The following ATAD2B variants were observed in gnomAD, a reference collection of about 807,000 sequenced individuals.
ATAD2B encodes ATPase family AAA domain containing 2B.
Under a neutral mutation model 167.6 loss-of-function variants are expected in ATAD2B, and 40 were observed. The observed-to-expected ratio is 0.24, with a 90% CI of 0.19 to 0.31. ATAD2B has a LOEUF of 0.31. ATAD2B is among the 10% of genes least tolerant of loss of function. The probability of loss-of-function intolerance (pLI) is 1.00; values close to 1 mark genes in which losing one functional copy is unlikely to be tolerated. For synonymous variants in ATAD2B, 579 were observed against 596.5 expected, an observed-to-expected ratio of 0.97 and a Z score of 0.43; for missense variants, 1,242 against 1,757.2, an observed-to-expected ratio of 0.71 and a Z score of 5.24.
chr2:23,707,104 T>A, the ATAD2B span: 1 of 117,224 alleles, frequency 8.5e-6, no homozygotes, highest in Non-Finnish European at 1.9e-5. Flanking sequence ...TTCCTACTTT[T>A]GTTTTTTAAC....
At chr2:23,803,306 A>T (rs1048795346) in intron 18 of ATAD2B, among the ~76,000 whole-genome samples, 2 of 146,760 alleles carry the variant, frequency 1.4e-5, no homozygotes, top group Non-Finnish European at 3.0e-5. Context: ...TCAGTAACAT[A>T]TGTGTGTACA....
chr2:23,884,485 G>A (rs1316647413), intron 6 of ATAD2B, among the ~76,000 whole-genome samples: 1 of 152,076 alleles, frequency 6.6e-6, no homozygotes, highest in East Asian at 1.9e-4. Flanking sequence ...AGAAGCAAAT[G>A]AGCCCAAAGT....
intron 23 of ATAD2B, among the ~76,000 whole-genome samples, 158 bp from the exon 24 acceptor site, chr2:23,762,504 A>C (rs1033896733): frequency 6.6e-6 from 1 of 152,178 alleles, no homozygotes; most frequent in Non-Finnish European, 1.5e-5. Flanking sequence ...TTGTTTTAAG[A>C]TGGGTAAGAA....
At chr2:23,868,828 C>T (rs749916692) in intron 9 of ATAD2B, among the ~76,000 whole-genome samples, 36 of 152,124 alleles carry the variant, frequency 2.4e-4, no homozygotes, top group African/African-American at 7.2e-5. Context: ...CTTGGGTAAA[C>T]ACCAATGACA....
At chr2:23,743,471 G>A in the ATAD2B span, among the ~76,000 whole-genome samples, 1 of 151,368 alleles carries the variant, frequency 6.6e-6, no homozygotes, top group Non-Finnish European at 1.5e-5. Flanking sequence ...ACTGAGGCAG[G>A]AGAATCGCTC....
chr2:23,767,302 G>A (rs921714283), intron 22 of ATAD2B, among the ~76,000 whole-genome samples: 7 of 152,074 alleles, frequency 4.6e-5, no homozygotes, highest in African/African-American at 1.7e-4. Flanking sequence ...TTTAGCCTGT[G>A]TGGTCTAACC....
At chr2:23,844,955 GA>G (rs34425877) in intron 13 of ATAD2B, among the ~76,000 whole-genome samples, 110,587 of 150,366 alleles carry the variant, frequency 0.74, 40,865 homozygotes, top group East Asian at 0.85. Context: ...AGTCAAGAAG[GA>G]AAAAAAAACC....
the ATAD2B span, among the ~76,000 whole-genome samples, chr2:23,715,501 G>A: frequency 0.029 from 4,405 of 152,130 alleles, 89 homozygotes; most frequent in South Asian, 0.086. Context: ...GTGAACCTGG[G>A]AGGCGGAGCT....
intron 27 of ATAD2B, among the ~76,000 whole-genome samples, chr2:23,753,391 T>C (rs1450415506): frequency 6.6e-6 from 1 of 152,106 alleles, no homozygotes; most frequent in African/African-American, 2.4e-5. Context: ...GCACTGCAGG[T>C]ACTCAATAAA....
intron 5 of ATAD2B, among the ~76,000 whole-genome samples, chr2:23,885,522 T>C (rs1698539515): frequency 6.6e-6 from 1 of 152,152 alleles, no homozygotes; most frequent in Non-Finnish European, 1.5e-5. Flanking sequence ...CCAGCAAAAG[T>C]GAAGAGGGTC....
At chr2:23,845,570 A>ATT (rs71402518) in intron 13 of ATAD2B, among the ~76,000 whole-genome samples, 7,723 of 87,694 alleles carry the variant, frequency 0.088, 1,120 homozygotes, top group African/African-American at 0.14. Context: ...GCATGCTGGA[A>ATT]TTTTTTTTTT....
At chr2:23,704,817 A>G in the ATAD2B span, among the ~76,000 whole-genome samples, 17 of 152,314 alleles carry the variant, frequency 1.1e-4, no homozygotes, top group Admixed American at 1.3e-4. Context: ...CCCATAGCAG[A>G]TGCTTCCTGA....
At chr2:23,783,425 A>G (rs894870926) in intron 21 of ATAD2B, among the ~76,000 whole-genome samples, 8 of 152,074 alleles carry the variant, frequency 5.3e-5, no homozygotes, top group African/African-American at 1.7e-4. Context: ...ACTATGAGAT[A>G]AGTTATTCTG....
chr2:23,884,146 A>G (rs1311289180), intron 6 of ATAD2B, among the ~76,000 whole-genome samples: 1 of 151,334 alleles, frequency 6.6e-6, no homozygotes. Context: ...CTCTGTCTCA[A>G]AAAAAAAAGA....
intron 2 of ATAD2B, among the ~76,000 whole-genome samples, chr2:23,892,717 C>A (rs1699712622): frequency 6.7e-6 from 1 of 150,246 alleles, no homozygotes; most frequent in African/African-American, 2.5e-5. Context: ...TGATCCACCA[C>A]CCTTGGCCTC....
At chr2:23,764,078 A>G (rs1464840772) in intron 23 of ATAD2B, among the ~76,000 whole-genome samples, 3 of 152,210 alleles carry the variant, frequency 2.0e-5, no homozygotes, top group Non-Finnish European at 4.4e-5. Context: ...ACAAATGTTT[A>G]TGTGGACATA....
chr2:23,750,938 T>G lies in ATAD2B; in HGVS notation c.*1108A>C, dbSNP rs980702506. On this transcript the variant is annotated 3_prime_UTR_variant, in exon 28 of 28. Coordinates refer to ENST00000238789, the MANE Select transcript of ATAD2B (RefSeq NM_017552.4). The stretch of plus-strand genomic sequence containing the variant: ...TGTTATTCAAGGACCATACCAGAGC[T>G]CGTTTGCAATTAAGCATACAGAAAA... 3.3e-5 allele frequency: 5 copies of G among 152,134 alleles called. No homozygotes were observed. The highest frequency in any genetic ancestry group is 2.6e-4 in the Admixed American group (4 of 15,256). The allele number at this position is 152,134 out of a possible 1,614,324, so 9.4% of individuals were successfully genotyped here. A position where few individuals can be genotyped will look rare whatever the true frequency, so the allele number is the denominator to read the frequency against.
At chr2:23,912,309 C>A (rs1702428551) in intron 1 of ATAD2B, among the ~76,000 whole-genome samples, 1 of 151,932 alleles carries the variant, frequency 6.6e-6, no homozygotes, top group Non-Finnish European at 1.5e-5. Flanking sequence ...CCAGCCTGGG[C>A]AACAAAGGGA....
intron 25 of ATAD2B, 133 bp downstream of exon 25, chr2:23,757,285 G>A (rs1167234000): frequency 1.5e-6 from 1 of 665,372 alleles, no homozygotes; most frequent in Non-Finnish European, 2.3e-6. Context: ...TAGAGAATAG[G>A]ATGAAAACTT....
Sources: allele counts gnomAD v4.1 joint callset (sites outside exome capture counted in the v4.1 genomes callset), GRCh38; gene constraint gnomAD v4.1.1; transcripts MANE v1.5; gene names NCBI Gene and HGNC (gene_info 2026-07-23, HGNC 2026-07-21).